Variants in DAB1 observed in about 807,000 individuals in gnomAD.
The protein encoded by DAB1 is disabled homolog 1.
Under a neutral mutation model 64.6 loss-of-function variants are expected in DAB1, and 15 were observed. That is an observed-to-expected ratio of 0.23 (90% CI 0.16 to 0.36). The LOEUF (loss-of-function observed/expected upper bound fraction) is 0.36, where lower values mean the gene tolerates loss of function less well. DAB1 is among the 10% of genes least tolerant of loss of function. DAB1 has a pLI of 1.00. For synonymous variants in DAB1, 235 were observed against 251.9 expected (o/e 0.93, Z 0.64); for missense variants, 596 against 706.7 (o/e 0.84, Z 1.78).
chr1:58,306,666 G>A (rs1229250288), intron 4 of DAB1, among the ~76,000 whole-genome samples: 3 of 152,146 alleles, frequency 2.0e-5, no homozygotes, highest in African/African-American at 4.8e-5. Flanking sequence ...GGGAATGAAG[G>A]TAAAAGGATC....
chr1:57,659,978 A>AAAGTAAAT (rs148942627), intron 6 of DAB1, among the ~76,000 whole-genome samples: 11 of 138,724 alleles, frequency 7.9e-5, no homozygotes, highest in Non-Finnish European at 1.7e-4. Flanking sequence ...CTCTCTCTCA[A>AAAGTAAAT]AAATAAATAA....
rs17116312 is a variant in DAB1 at position 57,806,689 on chromosome 1, C to T, written n.551+77310G>A. 3.9e-3 allele frequency among the ~76,000 whole-genome samples: 590 copies of T among 152,232 alleles called. 3 individuals are homozygous for T. The highest frequency in any genetic ancestry group is 0.014 in the African/African-American group (563 of 41,544). ...AAAACGAATATAAAACCTTTTTGCT[C>T]GTTCTTCCATCTACCTGGAATAGTC... On this transcript the variant is annotated intron_variant and non_coding_transcript_variant, in intron 6 of 20. Coordinates refer to the DAB1 transcript ENST00000485760.
chr1:57,317,265 G>A (rs145743175), intron 1 of DAB1, among the ~76,000 whole-genome samples: 2,525 of 152,230 alleles, frequency 0.017, 40 homozygotes, highest in Non-Finnish European at 0.025. Flanking sequence ...GGTGAGCCTC[G>A]CAATGACGGG....
chr1:58,540,282 GA>G (rs142462867), intron 1 of DAB1, among the ~76,000 whole-genome samples: 22,888 of 144,598 alleles, frequency 0.16, 1,962 homozygotes, highest in Admixed American at 0.27. Flanking sequence ...TGCATCCCAG[GA>G]AAAAAAAAAA....
At chr1:58,408,058 C>T (rs919047731) in intron 3 of DAB1, among the ~76,000 whole-genome samples, 1 of 152,186 alleles carries the variant, frequency 6.6e-6, no homozygotes, top group Non-Finnish European at 1.5e-5. Context: ...CCAGCAGCCT[C>T]AGCATCGCCT....
intron 3 of DAB1, among the ~76,000 whole-genome samples, chr1:58,462,352 T>C (rs1645252668): frequency 1.3e-5 from 2 of 152,088 alleles, no homozygotes; most frequent in Non-Finnish European, 2.9e-5. Context: ...GGTCTCGATC[T>C]CCTGACCTCA....
chr1:58,042,398 T>C (rs901421768), intron 5 of DAB1, among the ~76,000 whole-genome samples: 1 of 152,190 alleles, frequency 6.6e-6, no homozygotes, highest in African/African-American at 2.4e-5. Context: ...TCAGACACTG[T>C]TAGACACTAG....
chr1:57,526,126 C>T (rs11589538), intron 7 of DAB1, among the ~76,000 whole-genome samples: 34,791 of 151,876 alleles, frequency 0.23, 4,550 homozygotes, highest in Admixed American at 0.33. Flanking sequence ...TCAGTAGAGA[C>T]GGGGTTTCAC....
chr1:58,148,431 A>G (rs1445967117), intron 5 of DAB1, among the ~76,000 whole-genome samples: 4 of 152,224 alleles, frequency 2.6e-5, no homozygotes, highest in Non-Finnish European at 4.4e-5. Context: ...AAGATGCTAC[A>G]TGGCTTGGCC....
chr1:57,998,799 T>C lies in DAB1; in HGVS notation n.388-114637A>G, dbSNP rs138278151. Among the ~76,000 whole-genome samples the C allele has an allele frequency of 4.3e-3, 650 of 152,318 alleles. 4 individuals carry two copies. Among genetic ancestry groups the C allele is most frequent in the African/African-American group, 0.015 (611 of 41,558 alleles). Reference sequence around the variant, plus strand: ...AGTCCTTTCAGCTAGGGAGAGAATATTAGGATTTTTAGGCAACAGTATCCA... The same window carrying C: ...AGTCCTTTCAGCTAGGGAGAGAATACTAGGATTTTTAGGCAACAGTATCCA... On this transcript the variant is annotated intron_variant and non_coding_transcript_variant, in intron 5 of 20. Coordinates refer to the DAB1 transcript ENST00000485760.
chr1:58,376,384 G>T lies in DAB1; in HGVS notation n.258-32981C>A, dbSNP rs1247824493. Among the ~76,000 whole-genome samples the T allele has an allele frequency of 3.5e-4, 48 of 135,596 alleles. 2 individuals are homozygous for T. The highest frequency in any genetic ancestry group is 1.1e-3 in the Admixed American group (15 of 13,642). The allele number at this position is 135,596 out of a possible 152,430, so 89.0% of individuals were successfully genotyped here. A position where few individuals can be genotyped will look rare whatever the true frequency, so the allele number is the denominator to read the frequency against. On this transcript the variant is annotated intron_variant and non_coding_transcript_variant, in intron 3 of 20. Transcript: ENST00000485760. ...AGAGATTCTGGTATGTTGTGTCTTT[G>T]TTCTCATTGGTTTCAAAGAACATCT... is the stretch of plus-strand genomic sequence containing the variant.
intron 2 of DAB1, among the ~76,000 whole-genome samples, chr1:57,198,718 A>G (rs1249888857): frequency 1.3e-5 from 2 of 151,792 alleles, no homozygotes; most frequent in African/African-American, 4.8e-5. Context: ...GAGAGTAAAA[A>G]AAGGTTTCCA....
Position 57,947,269 on chromosome 1 carries a change from G to T in DAB1, n.388-63107C>A, listed in dbSNP as rs1048837539. Among the ~76,000 whole-genome samples, 5 of 152,226 alleles carry T rather than the reference G, an allele frequency of 3.3e-5. No individual in the cohort carries two copies. The South Asian group carries it at 1.0e-3, about 32-fold the overall frequency. ...CATACTAGAATTCTCAGAGATGACA[G>T]CCCTGAGACCCAAAGACAGTCCAGT... On this transcript the variant is annotated intron_variant and non_coding_transcript_variant, in intron 5 of 20. Coordinates refer to the DAB1 transcript ENST00000485760.
At chr1:57,398,165 G>A (rs905594342) in intron 1 of DAB1, among the ~76,000 whole-genome samples, 1 of 152,198 alleles carries the variant, frequency 6.6e-6, no homozygotes, top group African/African-American at 2.4e-5. Context: ...TGCACCCTTT[G>A]AGCAAGGCCC....
In DAB1 at chr1:57,770,788, G is replaced by T. The variant is rs1056014134; in HGVS notation, n.551+113211C>A. Reference sequence around the variant, plus strand: ...AAATAAACAACTATTGGCACTTACAGTGTATTATTATAGTATAGAAGGACA... The same window carrying T: ...AAATAAACAACTATTGGCACTTACATTGTATTATTATAGTATAGAAGGACA... On this transcript the variant is annotated intron_variant and non_coding_transcript_variant, in intron 6 of 20. Transcript: ENST00000485760. Among the ~76,000 whole-genome samples the T allele has an allele frequency of 1.1e-4, 17 of 152,098 alleles. 1 individual carries two copies. The highest frequency in any genetic ancestry group is 1.1e-3 in the Admixed American group (17 of 15,256).
intron 4 of DAB1, among the ~76,000 whole-genome samples, chr1:58,169,793 T>C: frequency 6.6e-6 from 1 of 151,988 alleles, no homozygotes; most frequent in East Asian, 1.9e-4. Flanking sequence ...AGCAAAGAAA[T>C]CTCCAAAGGA....
At chr1:58,071,428 C>T (rs892365791) in intron 5 of DAB1, 1 of 150,036 alleles carries the variant, frequency 6.7e-6, no homozygotes, top group Non-Finnish European at 1.4e-5. Flanking sequence ...ACTGAAGTTC[C>T]CGCTGCTGGG....
chr1:58,499,218 C>A (rs1192056000), intron 3 of DAB1, among the ~76,000 whole-genome samples: 2 of 149,622 alleles, frequency 1.3e-5, no homozygotes, highest in Non-Finnish European at 3.0e-5. Flanking sequence ...ATAATGATTA[C>A]CACAGGCTGG....
Position 57,289,861 on chromosome 1 carries a change from C to G in DAB1, c.67+1103G>C, listed in dbSNP as rs139826026. ...ACTACAGGGAGAAAACACACACACA[C>G]AGAGAGAAAGAAGTTGCTCATATTT... On this transcript the variant is annotated intron_variant, in intron 2 of 14. Coordinates refer to ENST00000371236, the MANE Select transcript of DAB1 (RefSeq NM_001365792.1). Among the ~76,000 whole-genome samples the G allele has an allele frequency of 4.4e-4, 67 of 151,488 alleles. 1 individual carries two copies. Among genetic ancestry groups the G allele is most frequent in the Middle Eastern group, 3.4e-3 (1 of 292 alleles).
Sources: gnomAD v4.1 joint callset for allele counts (sites outside exome capture counted in the v4.1 genomes callset) on GRCh38, gnomAD v4.1.1 for gene constraint, MANE v1.5 for transcripts, NCBI Gene and HGNC (gene_info 2026-07-23, HGNC 2026-07-21) for gene names.